The following COL4A3 variants were observed in gnomAD, a reference collection of about 807,000 sequenced individuals.
The protein encoded by COL4A3 is collagen type IV alpha 3 chain.
In COL4A3, 135 loss-of-function variants were observed where a neutral mutation model predicts 217.4. The observed-to-expected ratio is 0.62, with a 90% confidence interval of 0.54 to 0.72. The LOEUF (loss-of-function observed/expected upper bound fraction) is 0.72, where lower values mean the gene tolerates loss of function less well. Ranked by LOEUF, COL4A3 falls within the 30% of genes least tolerant of loss-of-function variation. COL4A3 has a pLI of 0.00. For missense variants in COL4A3, 1,868 were observed against 2,119.9 expected (o/e 0.88, Z 2.33); for synonymous variants, 690 against 736.3 (o/e 0.94, Z 1.02).
At chr2:227,200,700 C>G (rs1259784498) in intron 1 of COL4A3, among the ~76,000 whole-genome samples, 1 of 152,152 alleles carries the variant, frequency 6.6e-6, no homozygotes, top group Non-Finnish European at 1.5e-5. Context: ...TATGCACAGA[C>G]TCCAAAAGCA....
At position 227,305,088 on chromosome 2, in the gene COL4A3, A is replaced by C. The variant is rs1166826641; in HGVS notation, c.4252+5A>C. On this transcript the variant is annotated splice_donor_5th_base_variant and intron_variant, in intron 47 of 51. Coordinates refer to ENST00000396578, the MANE Select transcript of COL4A3 (RefSeq NM_000091.5). ...AAGGTTCTAAAGGAGAGCCAGGTAAACCCCCAGCTTGTTTCCTCACCGAAG... is the reference window on the plus strand; with the variant it reads ...AAGGTTCTAAAGGAGAGCCAGGTAACCCCCCAGCTTGTTTCCTCACCGAAG... 2 of 1,612,516 alleles carry C rather than the reference A, an allele frequency of 1.2e-6. No individual in the cohort carries two copies. Among genetic ancestry groups the C allele is most frequent in the Non-Finnish European group, 8.5e-7 (1 of 1,179,178 alleles).
intron 1 of COL4A3, among the ~76,000 whole-genome samples, chr2:227,187,973 G>T (rs1003585083): frequency 4.8e-4 from 73 of 152,296 alleles, no homozygotes; most frequent in Admixed American, 4.8e-3. Flanking sequence ...AGACTTGCCT[G>T]CTTTGGTCCA....
chr2:227,279,245 GTTTTTTTGTTGTTGT>G (rs988733166), intron 28 of COL4A3, among the ~76,000 whole-genome samples: 7 of 134,240 alleles, frequency 5.2e-5, no homozygotes, highest in East Asian at 2.4e-4. Context: ...TGCCTGGCTA[GTTTTTTTGTTGTTGT>G]TTTTTTTGTT....
Position 227,200,995 on chromosome 2 carries a change from ATTAAG to A in COL4A3, c.87+36185_87+36189del, listed in dbSNP as rs747685116. The stretch of plus-strand genomic sequence containing the variant: ...ACATGGGAAGAAGTGTTCTTCTTAA[ATTAAG>A]TTTAGATTAGAAATTATATTATTCA... On this transcript the variant is annotated intron_variant, in intron 1 of 51. Coordinates refer to ENST00000396578, the MANE Select transcript of COL4A3 (RefSeq NM_000091.5). 5.9e-5 allele frequency among the ~76,000 whole-genome samples: 9 copies of A among 152,224 alleles called. No individual in the cohort carries two copies. In the East Asian group the frequency reaches 1.2e-3, roughly 20 times the overall value.
intron 1 of COL4A3, among the ~76,000 whole-genome samples, chr2:227,192,775 C>A (rs1053336292): frequency 1.3e-5 from 2 of 152,110 alleles, no homozygotes; most frequent in African/African-American, 2.4e-5. Context: ...CAATCCTTGA[C>A]GAATCGAGTC....
intron 34 of COL4A3, among the ~76,000 whole-genome samples, chr2:227,286,062 T>G (rs2072302084): frequency 6.6e-6 from 1 of 152,166 alleles, no homozygotes. Context: ...GACTTAGGCA[T>G]ATGTAGAAAA....
At chr2:227,172,739 A>G (rs2065536188) in intron 1 of COL4A3, among the ~76,000 whole-genome samples, 1 of 151,756 alleles carries the variant, frequency 6.6e-6, no homozygotes, top group South Asian at 2.1e-4. Flanking sequence ...GGCATAGGCC[A>G]CCACACCCGG....
At position 227,255,715 on chromosome 2, in the gene COL4A3, T is replaced by G. The variant is rs6728122; in HGVS notation, c.889-311T>G. 0.4 allele frequency among the ~76,000 whole-genome samples: 61,077 copies of G among 150,996 alleles called. 12,996 individuals are homozygous for G. The highest frequency in any genetic ancestry group is 0.56 in the African/African-American group (23,226 of 41,346). On this transcript the variant is annotated intron_variant, in intron 15 of 51. Transcript: ENST00000396578. ...ACTTCTCTGCCCAGTGTGTGTGTGT[T>G]TTTTTTTTCCCTTCCAAGTTTAGAA...
intron 43 of COL4A3, among the ~76,000 whole-genome samples, chr2:227,302,487 G>A (rs988569386): frequency 6.6e-6 from 1 of 151,926 alleles, no homozygotes; most frequent in Non-Finnish European, 1.5e-5. Context: ...GACCAGCTGG[G>A]CCAACATGGC....
intron 34 of COL4A3, among the ~76,000 whole-genome samples, chr2:227,286,263 G>A (rs1028623479): frequency 1.3e-5 from 2 of 151,914 alleles, no homozygotes; most frequent in East Asian, 1.9e-4. Context: ...AGGCCAAGGC[G>A]GGTGGATCAC....
chr2:227,194,359 A>C (rs1159884854), intron 1 of COL4A3, among the ~76,000 whole-genome samples: 2 of 152,050 alleles, frequency 1.3e-5, no homozygotes, highest in African/African-American at 4.8e-5. Flanking sequence ...AGTTGGCCAC[A>C]ATCAATGAGG....
chr2:227,256,573 G>T (rs1287180287), intron 17 of COL4A3, 177 bp downstream of exon 17: 3 of 764,416 alleles, frequency 3.9e-6, no homozygotes, highest in Non-Finnish European at 7.1e-6. Flanking sequence ...ACATTTGAAG[G>T]GTGTTCTTGA....
chr2:227,178,842 G>A (rs1430424216), intron 1 of COL4A3, among the ~76,000 whole-genome samples: 1 of 152,002 alleles, frequency 6.6e-6, no homozygotes, highest in Non-Finnish European at 1.5e-5. Flanking sequence ...ATTTATAGGT[G>A]AGAGACTGAT....
chr2:227,307,257 A>G (rs148741654), intron 47 of COL4A3, among the ~76,000 whole-genome samples: 1 of 152,212 alleles, frequency 6.6e-6, no homozygotes, highest in Admixed American at 6.5e-5. Context: ...GTTTTCTGCA[A>G]TTGTTTATTG....
rs1257267373 is a variant in COL4A3 at position 227,246,570 on chromosome 2, G to A, written c.388-115G>A. The stretch of plus-strand genomic sequence containing the variant: ...ATGACCCAGTAGCCATAAGGAATTC[G>A]GGTTACTTTGTCTAGATTTACCATT... On this transcript the variant is annotated intron_variant, in intron 6 of 51. Transcript: ENST00000396578. 47 of 806,418 alleles carry A rather than the reference G, an allele frequency of 5.8e-5. No homozygotes were observed. In the Middle Eastern group the frequency reaches 1.5e-3, roughly 26 times the overall value. The allele number at this position is 806,418 out of a possible 1,614,324, so 50.0% of individuals were successfully genotyped here.
intron 1 of COL4A3, among the ~76,000 whole-genome samples, chr2:227,208,364 C>T: frequency 6.6e-6 from 1 of 152,200 alleles, no homozygotes; most frequent in East Asian, 1.9e-4. Context: ...CTGGGGGTAA[C>T]ATCATTATTG....
At chr2:227,310,237 T>C (rs1292303125) in intron 50 of COL4A3, among the ~76,000 whole-genome samples, 1 of 152,196 alleles carries the variant, frequency 6.6e-6, no homozygotes, top group African/African-American at 2.4e-5. Context: ...GTGATGACTG[T>C]CATAGCTGCA....
intron 1 of COL4A3, among the ~76,000 whole-genome samples, chr2:227,223,748 A>G (rs1310410416): frequency 8.6e-6 from 1 of 116,290 alleles, no homozygotes; most frequent in African/African-American, 2.7e-5. Context: ...AAATAAATAA[A>G]CAAATAAATA....
intron 1 of COL4A3, among the ~76,000 whole-genome samples, chr2:227,204,884 A>T (rs566109784): frequency 1.3e-5 from 2 of 152,246 alleles, no homozygotes; most frequent in Non-Finnish European, 2.9e-5. Flanking sequence ...AATGTTTCCA[A>T]TGTACATGAC....
Sources: gnomAD v4.1 joint callset for allele counts (sites outside exome capture counted in the v4.1 genomes callset) on GRCh38, gnomAD v4.1.1 for gene constraint, MANE v1.5 for transcripts, NCBI Gene and HGNC (gene_info 2026-07-23, HGNC 2026-07-21) for gene names.